MAF: variants seen among roughly 807,000 people sequenced by gnomAD.
MAF encodes the protein transcription factor Maf.
MAF carries 10 observed loss-of-function variants against 22.0 expected under a neutral mutation model. That is an observed-to-expected ratio of 0.45 (90% CI 0.28 to 0.77). MAF has a LOEUF of 0.77. Among genes scored for constraint, MAF ranks in the 30% least tolerant of loss-of-function variants. The pLI is 0.12. For missense variants in MAF, 544 were observed against 548.4 expected (o/e 0.99, Z 0.08); for synonymous variants, 337 against 255.8 (o/e 1.32, Z -3.03).
chr16:79,299,191 T>C, the MAF span, among the ~76,000 whole-genome samples: 2 of 152,158 alleles, frequency 1.3e-5, no homozygotes, highest in Non-Finnish European at 2.9e-5. Flanking sequence ...ACCTTTGCCC[T>C]TTGGCTAAAA....
chr16:79,256,044 C>A, the MAF span, among the ~76,000 whole-genome samples: 3 of 134,166 alleles, frequency 2.2e-5, no homozygotes, highest in East Asian at 4.2e-4. Flanking sequence ...TGCTGTGGTG[C>A]GATCTCAGCT....
At chr16:79,268,025 T>TC in the MAF span, among the ~76,000 whole-genome samples, 1 of 152,040 alleles carries the variant, frequency 6.6e-6, no homozygotes, top group African/African-American at 2.4e-5. Flanking sequence ...TGGCACTGAG[T>TC]CACATCCTCC....
At chr16:79,314,390 G>A in the MAF span, among the ~76,000 whole-genome samples, 1 of 152,076 alleles carries the variant, frequency 6.6e-6, no homozygotes, top group South Asian at 2.1e-4. Flanking sequence ...ACGCTCCCAG[G>A]GTATAACATT....
the MAF span, among the ~76,000 whole-genome samples, chr16:79,469,340 A>G: frequency 1.3e-5 from 2 of 152,232 alleles, no homozygotes; most frequent in African/African-American, 4.8e-5. Flanking sequence ...CACTAAATAA[A>G]TGGTGAGTGG....
At chr16:79,226,656 G>GA in the MAF span, among the ~76,000 whole-genome samples, 7 of 151,802 alleles carry the variant, frequency 4.6e-5, no homozygotes, top group East Asian at 1.2e-3. Context: ...CGTATTGAGA[G>GA]AAAAAATGAA....
intron 1 of MAF, chr16:79,594,781 A>T: frequency 7.5e-7 from 1 of 1,330,074 alleles, no homozygotes; most frequent in Non-Finnish European, 9.6e-7. Context: ...GTTATTTCTA[A>T]AAATGCCTTT....
the MAF span, among the ~76,000 whole-genome samples, chr16:79,533,052 T>A: frequency 1.3e-5 from 2 of 152,210 alleles, no homozygotes; most frequent in Non-Finnish European, 2.9e-5. Context: ...AGGAATGCCC[T>A]TCGGGGTAAC....
chr16:79,350,406 C>T, the MAF span, among the ~76,000 whole-genome samples: 6 of 152,332 alleles, frequency 3.9e-5, no homozygotes, highest in East Asian at 1.9e-4. Context: ...TGTGGACAAA[C>T]GAAATTCTAT....
chr16:79,596,886 AT>A (rs530223218), intron 1 of MAF: 343 of 1,042,652 alleles, frequency 3.3e-4, no homozygotes, highest in South Asian at 9.7e-4. Context: ...CAGTTTTGCA[AT>A]TTTTTTTTGT....
chr16:79,561,160 C>T, the MAF span, among the ~76,000 whole-genome samples: 1 of 152,194 alleles, frequency 6.6e-6, no homozygotes, highest in Admixed American at 6.5e-5. Context: ...GCACACATTT[C>T]TCTTCCACAT....
chr16:79,426,184 C>T, the MAF span, among the ~76,000 whole-genome samples: 3 of 146,324 alleles, frequency 2.1e-5, no homozygotes, highest in African/African-American at 5.1e-5. Flanking sequence ...CCAGCCTGGG[C>T]GAGAGAGCGA....
At chr16:79,474,761 T>C in the MAF span, among the ~76,000 whole-genome samples, 3 of 152,128 alleles carry the variant, frequency 2.0e-5, no homozygotes, top group African/African-American at 4.8e-5. Context: ...GACCTACTTT[T>C]TGGAGGCAAG....
the MAF span, among the ~76,000 whole-genome samples, chr16:79,534,134 A>G: frequency 1.3e-5 from 2 of 152,246 alleles, no homozygotes; most frequent in African/African-American, 4.8e-5. Context: ...TTGGCTATTC[A>G]GAAGTACAGC....
the MAF span, among the ~76,000 whole-genome samples, chr16:79,440,298 G>C: frequency 3.3e-5 from 5 of 152,220 alleles, no homozygotes; most frequent in Non-Finnish European, 7.3e-5. Flanking sequence ...CAGAAGGTGA[G>C]CACCCCAGTG....
chr16:79,354,255 G>T, the MAF span, among the ~76,000 whole-genome samples: 20 of 152,210 alleles, frequency 1.3e-4, no homozygotes, highest in Middle Eastern at 6.8e-3. Flanking sequence ...GCCTCCCAAA[G>T]TGCTGGGATT....
chr16:79,598,392 A>G lies in MAF; in HGVS notation c.1118+393T>C, dbSNP rs1039733904. 3.9e-5 allele frequency: 47 copies of G among 1,200,964 alleles called. No individual in the cohort carries two copies. In the African/African-American group the frequency reaches 6.3e-4, roughly 16 times the overall value. 74.4% of individuals were successfully genotyped at this position (1,200,964 alleles called of 1,614,324 possible). The stretch of plus-strand genomic sequence containing the variant: ...AGGCTTCAAAGGTGATCAACGTTTC[A>G]CATGAAGAACTCTGCTGAGATCATT... On this transcript the variant is annotated intron_variant, in intron 1 of 1. Transcript: ENST00000326043.
At chr16:79,527,259 A>G in the MAF span, among the ~76,000 whole-genome samples, 1 of 152,178 alleles carries the variant, frequency 6.6e-6, no homozygotes, top group Admixed American at 6.5e-5. Context: ...TTTCTTTGAT[A>G]TAGGGTTTCA....
chr16:79,232,934 G>A, the MAF span, among the ~76,000 whole-genome samples: 73 of 147,420 alleles, frequency 5.0e-4, no homozygotes, highest in South Asian at 2.2e-3. Flanking sequence ...TCTGCCTCCC[G>A]GGTTCACGCC....
chr16:79,521,501 G>C, the MAF span, among the ~76,000 whole-genome samples: 2 of 152,192 alleles, frequency 1.3e-5, no homozygotes, highest in African/African-American at 4.8e-5. Flanking sequence ...TCTTCCTGTG[G>C]TGGACTTCGG....
Sources: allele counts gnomAD v4.1 joint callset (sites outside exome capture counted in the v4.1 genomes callset), GRCh38; gene constraint gnomAD v4.1.1; transcripts MANE v1.5; gene names NCBI Gene and HGNC (gene_info 2026-07-23, HGNC 2026-07-21).